FBXL12: variants seen among roughly 807,000 people sequenced by gnomAD.
FBXL12 encodes F-box and leucine rich repeat protein 12.
FBXL12 carries 22 observed loss-of-function variants against 24.9 expected under a neutral mutation model. The ratio of observed to expected loss-of-function variants is 0.88; its 90% CI spans 0.63 to 1.26. FBXL12 has a LOEUF of 1.26. Among genes scored for constraint, FBXL12 ranks in the 50% most tolerant of loss-of-function variants. FBXL12 has a pLI of 0.00. For missense variants in FBXL12, 384 were observed against 434.1 expected (o/e 0.88, Z 1.03); for synonymous variants, 193 against 193.8 (o/e 1.00, Z 0.03).
In FBXL12 at chr19:9,816,528, C is replaced by T. The variant is rs569432048; in HGVS notation, c.159+2017G>A. On this transcript the variant is annotated intron_variant, in intron 2 of 2. Coordinates refer to ENST00000247977, the MANE Select transcript of FBXL12 (RefSeq NM_017703.3). ...CATCAGTCTCTCTGCTAAAACATAA[C>T]AAGAGTCACCTTTACTCCAGTTCCC... Among the ~76,000 whole-genome samples, 13 of 152,324 alleles carry T rather than the reference C, an allele frequency of 8.5e-5. No homozygotes were observed. The East Asian group carries it at 1.2e-3, about 14-fold the overall frequency.
chr19:9,813,188 C>G, intron 2 of FBXL12: 1 of 1,151,998 alleles, frequency 8.7e-7, no homozygotes, highest in Non-Finnish European at 1.1e-6. Context: ...GCATTTCATT[C>G]TAAGTACAGT....
chr19:9,816,334 A>C (rs1162868031), intron 2 of FBXL12, among the ~76,000 whole-genome samples: 1 of 152,120 alleles, frequency 6.6e-6, no homozygotes, highest in Non-Finnish European at 1.5e-5. Context: ...TCAGGCTACA[A>C]ATTTTCCAAA....
Position 9,818,787 on chromosome 19 carries a change from G to A in FBXL12, c.27C>T (p.Asp9=). The A allele has an allele frequency of 6.4e-7, 1 of 1,555,058 alleles. No homozygotes were observed. The highest frequency in any genetic ancestry group is 8.7e-7 in the Non-Finnish European group (1 of 1,147,838). MATLVELP[D]SVLLEIFSYL... ...AAGAGAAGATCTCGAGCAGGACCGA[G>A]TCCGGCAGTTCGACCAAAGTCGCCA... Residue 9 remains aspartate (D), a synonymous_variant, in exon 1 of 3, where the codon GAC becomes GAT. Coordinates refer to ENST00000247977, the MANE Select transcript of FBXL12 (RefSeq NM_017703.3).
intron 2 of FBXL12, among the ~76,000 whole-genome samples, chr19:9,812,225 G>A (rs2045770549): frequency 6.6e-6 from 1 of 152,064 alleles, no homozygotes; most frequent in African/African-American, 2.4e-5. Context: ...ACTGCACTCG[G>A]CCACTTAGAA....
chr19:9,811,640 G>C lies in FBXL12; in HGVS notation c.237C>G (p.Tyr79Ter). ...SRLHSLRMGG[Y>*]LFSGSQAPQL... ...GGGGGGCCTGGGAGCCAGAGAACAG[G>C]TAGCCACCCATCCGCAGGGAATGGA... Residue 79 changes from tyrosine (Y) to a stop codon, truncating the protein, a stop_gained, in exon 3 of 3, where the codon TAC becomes TAG. Coordinates refer to ENST00000247977, the MANE Select transcript of FBXL12 (RefSeq NM_017703.3). LOFTEE classifies it high-confidence loss of function. The surrounding 1 kb of genome is among the most constrained non-coding windows in gnomAD (Gnocchi z 6.0). 1 of 1,527,934 alleles carries C rather than the reference G, an allele frequency of 6.5e-7. No homozygotes were observed. Among genetic ancestry groups the C allele is most frequent in the Non-Finnish European group, 8.8e-7 (1 of 1,137,402 alleles). The allele number at this position is 1,527,934 out of a possible 1,614,324, so 94.6% of individuals were successfully genotyped here. A position where few individuals can be genotyped will look rare whatever the true frequency, so the allele number is the denominator to read the frequency against.
At position 9,813,112 on chromosome 19, in the gene FBXL12, C is replaced by CA. The variant is rs1197757432; in HGVS notation, c.160-1396dup. 2.6e-5 allele frequency: 15 copies of CA among 584,766 alleles called. No homozygotes were observed. In the East Asian group the frequency reaches 5.0e-4, roughly 20 times the overall value. 36.2% of individuals were successfully genotyped at this position (584,766 alleles called of 1,614,324 possible). A position where few individuals can be genotyped will look rare whatever the true frequency, so the allele number is the denominator to read the frequency against. On this transcript the variant is annotated intron_variant, in intron 2 of 2. Coordinates refer to ENST00000247977, the MANE Select transcript of FBXL12 (RefSeq NM_017703.3). ...TCAAAGCCTGGTAGAGTGGAAGCTG[C>CA]AAAAATCAACCCTGGGAAGTTAGAC...
intron 2 of FBXL12, among the ~76,000 whole-genome samples, chr19:9,817,279 T>A (rs1409124527): frequency 6.6e-6 from 1 of 152,042 alleles, no homozygotes; most frequent in East Asian, 1.9e-4. Context: ...CAGAGTGAGA[T>A]CCATCTCAAA....
chr19:9,818,983 G>A lies in FBXL12; in HGVS notation c.-170C>T. 1.5e-6 allele frequency: 1 copy of A among 651,984 alleles called. No individual in the cohort carries two copies. The highest frequency in any genetic ancestry group is 2.7e-6 in the Non-Finnish European group (1 of 375,818). The allele number at this position is 651,984 out of a possible 1,614,324, so 40.4% of individuals were successfully genotyped here. A position where few individuals can be genotyped will look rare whatever the true frequency, so the allele number is the denominator to read the frequency against. The stretch of plus-strand genomic sequence containing the variant: ...TCCCAGGGCCGGACCAGCCGCGGAT[G>A]GGGACCAGAAACCAGCCTGGAAAGC... On this transcript the variant is annotated 5_prime_UTR_variant, in exon 1 of 3. Coordinates refer to ENST00000247977, the MANE Select transcript of FBXL12 (RefSeq NM_017703.3).
rs752610711 is a variant in FBXL12, at chr19:9,810,961, C to T, written c.916G>A (p.Gly306Arg). 1.2e-6 allele frequency: 2 copies of T among 1,612,870 alleles called. No homozygotes were observed. Among genetic ancestry groups the T allele is most frequent in the Non-Finnish European group, 1.7e-6 (2 of 1,179,236 alleles). Reference sequence around the variant, plus strand: ...ACGATGACCATACAGTGGGGCAGCCCCTTACACAGGATCTTCTCCGCCTCC... The same window carrying T: ...ACGATGACCATACAGTGGGGCAGCCTCTTACACAGGATCTTCTCCGCCTCC... ...GQEAEKILCK[G>R]LPHCMVIVRA... Residue 306 changes from glycine (G) to arginine (R), a missense_variant, in exon 3 of 3, where the codon GGG becomes AGG. By Grantham distance (125) the Gly-to-Arg change is moderately radical (BLOSUM62 -2). Coordinates refer to ENST00000247977, the MANE Select transcript of FBXL12 (RefSeq NM_017703.3).
At chr19:9,818,049 A>T (rs1172412413) in intron 2 of FBXL12, 5 of 298,224 alleles carry the variant, frequency 1.7e-5, no homozygotes, top group African/African-American at 1.1e-4. Context: ...CTCCGTCTCT[A>T]CAAAAAATAA....
chr19:9,813,930 C>T (rs2045819422), intron 2 of FBXL12, among the ~76,000 whole-genome samples: 1 of 152,056 alleles, frequency 6.6e-6, no homozygotes, highest in Non-Finnish European at 1.5e-5. Flanking sequence ...TGAGCCACTG[C>T]ACCCGGCCAA....
rs117238432 is a variant in FBXL12 at position 9,813,972 on chromosome 19, A to G, written c.160-2255T>C. Among the ~76,000 whole-genome samples, 723 of 152,162 alleles carry G rather than the reference A, an allele frequency of 4.8e-3. 2 individuals are homozygous for G. The highest frequency in any genetic ancestry group is 7.1e-3 in the Non-Finnish European group (481 of 68,008). On this transcript the variant is annotated intron_variant, in intron 2 of 2. Transcript: ENST00000247977. ...GTTTCTACATCAAACTCTTCCATTCACTGAAGAAAATAGCTTATCATCAAT... is the reference window on the plus strand; with the variant it reads ...GTTTCTACATCAAACTCTTCCATTCGCTGAAGAAAATAGCTTATCATCAAT...
chr19:9,815,757 C>T (rs1193494245), intron 2 of FBXL12, among the ~76,000 whole-genome samples: 1 of 151,828 alleles, frequency 6.6e-6, no homozygotes, highest in Non-Finnish European at 1.5e-5. Context: ...CGGGTTCAAG[C>T]GATTCTCCTG....
chr19:9,818,795 G>T lies in FBXL12; in HGVS notation c.19C>A (p.Leu7Met). The change falls in exon 1 of 3, where the codon CTG becomes ATG. Residue 7 changes from leucine (L) to methionine (M), a missense_variant. Leu to Met is a conservative substitution (Grantham distance 15, BLOSUM62 2). Transcript: ENST00000247977. ...ATCTCGAGCAGGACCGAGTCCGGCA[G>T]TTCGACCAAAGTCGCCATGATCCCG... MATLVELPDSVLLEIFS... is the reference protein window; with the variant it reads MATLVEMPDSVLLEIFS... The T allele has an allele frequency of 6.4e-7, 1 of 1,553,944 alleles. No homozygotes were observed. Among genetic ancestry groups the T allele is most frequent in the African/African-American group, 1.4e-5 (1 of 73,848 alleles).
chr19:9,818,437 TA>T, intron 2 of FBXL12, 107 bp downstream of exon 2: 1 of 1,267,398 alleles, frequency 7.9e-7, no homozygotes, highest in Non-Finnish European at 1.1e-6. Flanking sequence ...CGCCTGGCTC[TA>T]AATCCCCAGC....
rs888335130 is a variant in FBXL12 at position 9,810,837 on chromosome 19, C to T, written c.*59G>A. ...TATCTGCCCTCTTCAAGGTGCTGCT[C>T]AGAGGGTCTGGGGCTCAATGATGAA... is the stretch of plus-strand genomic sequence containing the variant. On this transcript the variant is annotated 3_prime_UTR_variant, in exon 3 of 3. Coordinates refer to ENST00000247977, the MANE Select transcript of FBXL12 (RefSeq NM_017703.3). 3 of 1,383,838 alleles carry T rather than the reference C, an allele frequency of 2.2e-6. No individual in the cohort carries two copies. Among genetic ancestry groups the T allele is most frequent in the African/African-American group, 2.9e-5 (2 of 69,952 alleles). The allele number at this position is 1,383,838 out of a possible 1,614,324, so 85.7% of individuals were successfully genotyped here. A position where few individuals can be genotyped will look rare whatever the true frequency, so the allele number is the denominator to read the frequency against.
At chr19:9,817,401 G>A (rs1006229794) in intron 2 of FBXL12, among the ~76,000 whole-genome samples, 2 of 152,194 alleles carry the variant, frequency 1.3e-5, no homozygotes, top group Non-Finnish European at 2.9e-5. Flanking sequence ...AGCAGAAATT[G>A]ACTAGAAATA....
chr19:9,811,789 C>T lies in FBXL12; in HGVS notation c.160-72G>A, dbSNP rs1025726019. On this transcript the variant is annotated intron_variant, in intron 2 of 2. Coordinates refer to ENST00000247977, the MANE Select transcript of FBXL12 (RefSeq NM_017703.3). This position sits in a 1 kb window ranked among gnomAD's most constrained non-coding sequence, Gnocchi z 6.0. ...TCCAAGGCCCCTGCTGGGCTGGAGA[C>T]ACACAACCCCGGGGTGGGGGATTCT... The T allele has an allele frequency of 5.3e-6, 7 of 1,310,096 alleles. No homozygotes were observed. The highest frequency in any genetic ancestry group is 2.9e-5 in the Admixed American group (1 of 34,926). The allele number at this position is 1,310,096 out of a possible 1,614,324, so 81.2% of individuals were successfully genotyped here.
chr19:9,813,869 C>T lies in FBXL12; in HGVS notation c.160-2152G>A, dbSNP rs2045817751. On this transcript the variant is annotated intron_variant, in intron 2 of 2. Coordinates refer to ENST00000247977, the MANE Select transcript of FBXL12 (RefSeq NM_017703.3). ...GGTCAGGCTGGTCTCAAACACCCGA[C>T]CTCAAGTGATCTGTCCACCTCGGCC... Among the ~76,000 whole-genome samples the T allele has an allele frequency of 2.7e-5, 4 of 150,522 alleles. No individual in the cohort carries two copies. In the South Asian group the frequency reaches 8.5e-4, roughly 32 times the overall value.
Sources: allele counts gnomAD v4.1 joint callset (sites outside exome capture counted in the v4.1 genomes callset), GRCh38; gene constraint gnomAD v4.1.1; non-coding constraint Gnocchi (gnomAD v3.1); transcripts MANE v1.5; gene names NCBI Gene and HGNC (gene_info 2026-07-23, HGNC 2026-07-21).